ROBO2: variants seen among roughly 807,000 people sequenced by gnomAD.
ROBO2 encodes roundabout guidance receptor 2.
In ROBO2, 53 loss-of-function variants were observed where a neutral mutation model predicts 160.8. The ratio of observed to expected loss-of-function variants is 0.33; its 90% CI spans 0.26 to 0.41. The LOEUF is 0.41. Among genes scored for constraint, ROBO2 ranks in the 10% least tolerant of loss-of-function variants. The pLI is 1.00. For missense variants in ROBO2, 1,577 were observed against 1,722.4 expected (o/e 0.92, Z 1.49); for synonymous variants, 664 against 611.7 (o/e 1.09, Z -1.26).
At chr3:76,213,791 A>C (rs1703307736) in intron 2 of ROBO2, among the ~76,000 whole-genome samples, 1 of 152,198 alleles carries the variant, frequency 6.6e-6, no homozygotes, top group African/African-American at 2.4e-5. Flanking sequence ...TTAATTTGAC[A>C]TGTATTGAGA....
intron 2 of ROBO2, among the ~76,000 whole-genome samples, chr3:76,807,745 T>C (rs1203184135): frequency 6.6e-6 from 1 of 152,050 alleles, no homozygotes; most frequent in East Asian, 1.9e-4. Flanking sequence ...TAGAACAATA[T>C]AGTGAAAGGG....
intron 2 of ROBO2, chr3:76,435,032 T>C (rs3849491): frequency 0.51 from 689,803 of 1,343,278 alleles, 180,139 homozygotes; most frequent in South Asian, 0.59. Context: ...TGATTGAGGA[T>C]GCAGAGCTGA....
intron 2 of ROBO2, among the ~76,000 whole-genome samples, chr3:77,205,940 A>G (rs1009727202): frequency 1.2e-4 from 19 of 152,070 alleles, no homozygotes; most frequent in Admixed American, 5.9e-4. Context: ...ACAGAAATGC[A>G]TTATCTTACA....
intron 24 of ROBO2, among the ~76,000 whole-genome samples, chr3:77,639,802 T>C (rs1206917458): frequency 6.6e-6 from 1 of 152,110 alleles, no homozygotes; most frequent in African/African-American, 2.4e-5. Context: ...AGTGACATGA[T>C]CTTATTTGTA....
intron 2 of ROBO2, among the ~76,000 whole-genome samples, chr3:77,331,575 C>T (rs558299002): frequency 1.3e-5 from 2 of 152,102 alleles, no homozygotes; most frequent in Non-Finnish European, 2.9e-5. Context: ...GAAAAAAATA[C>T]TTGCAAATCT....
At chr3:76,501,578 A>C (rs1255139217) in intron 2 of ROBO2, among the ~76,000 whole-genome samples, 6 of 152,238 alleles carry the variant, frequency 3.9e-5, no homozygotes, top group Admixed American at 3.3e-4. Context: ...ATACTGCAAC[A>C]ATCTTTTCAT....
intron 2 of ROBO2, among the ~76,000 whole-genome samples, chr3:77,105,829 C>T (rs1254997163): frequency 6.6e-6 from 1 of 151,920 alleles, no homozygotes; most frequent in Non-Finnish European, 1.5e-5. Flanking sequence ...AAATTTATTC[C>T]CATAAACAGT....
At chr3:77,628,029 C>T (rs113779839) in intron 23 of ROBO2, among the ~76,000 whole-genome samples, 1 of 152,234 alleles carries the variant, frequency 6.6e-6, no homozygotes, top group Non-Finnish European at 1.5e-5. Context: ...TTTTACTGCT[C>T]AGTAACATCT....
intron 2 of ROBO2, among the ~76,000 whole-genome samples, chr3:76,928,154 G>C (rs914973554): frequency 2.0e-5 from 3 of 152,070 alleles, no homozygotes; most frequent in African/African-American, 7.2e-5. Flanking sequence ...AAAGGGAGAT[G>C]ACAATGGAAA....
chr3:77,248,659 G>T (rs1331129901), intron 2 of ROBO2, among the ~76,000 whole-genome samples: 2 of 152,150 alleles, frequency 1.3e-5, no homozygotes, highest in East Asian at 1.9e-4. Flanking sequence ...GAGACCAACC[G>T]AGTGAGTCCA....
intron 2 of ROBO2, among the ~76,000 whole-genome samples, chr3:77,242,951 A>G (rs1258135372): frequency 6.6e-6 from 1 of 151,322 alleles, no homozygotes; most frequent in African/African-American, 2.4e-5. Flanking sequence ...GAGAGAGTGA[A>G]TATGTGTGTG....
intron 2 of ROBO2, among the ~76,000 whole-genome samples, chr3:75,940,628 A>G (rs1948009872): frequency 6.6e-6 from 1 of 152,184 alleles, no homozygotes; most frequent in Non-Finnish European, 1.5e-5. Flanking sequence ...AAAGATATAT[A>G]TGAATTTTAA....
chr3:77,037,612 A>C (rs141566348), upstream of ROBO2, among the ~76,000 whole-genome samples: 1,880 of 152,262 alleles, frequency 0.012, 44 homozygotes, highest in African/African-American at 0.042. Flanking sequence ...GGACCATGGC[A>C]ATTGGTGGTA....
chr3:76,169,707 TG>T lies in ROBO2; in HGVS notation c.109+232106del, dbSNP rs1219877736. ...TAATTTATTGATGTACAGTGGATTT[TG>T]TTTGACTAAAGCTAGTAATCTCCTA... On this transcript the variant is annotated intron_variant, in intron 2 of 26. Transcript: ENST00000487694. 2.6e-5 allele frequency among the ~76,000 whole-genome samples: 4 copies of T among 152,262 alleles called. No individual in the cohort carries two copies. The East Asian group carries it at 7.7e-4, about 29-fold the overall frequency.
chr3:76,391,462 T>C (rs944484362), intron 2 of ROBO2, among the ~76,000 whole-genome samples: 2 of 152,148 alleles, frequency 1.3e-5, no homozygotes, highest in Non-Finnish European at 2.9e-5. Context: ...TGAAACAAAT[T>C]GTATGTTATC....
At position 77,546,335 on chromosome 3, in the gene ROBO2, T is replaced by C; in HGVS notation, c.935-3T>C. On this transcript the variant is annotated splice_polypyrimidine_tract_variant and splice_region_variant and intron_variant, in intron 6 of 25. Coordinates refer to ENST00000461745, the Ensembl canonical transcript of ROBO2. ...ACACGCTTTCTTTTCTTTTAAATTA[T>C]AGCTCCCCCACAGTTTGTGGTTCGG... 3.1e-6 allele frequency: 5 copies of C among 1,612,978 alleles called. No individual in the cohort carries two copies. Among genetic ancestry groups the C allele is most frequent in the Non-Finnish European group, 4.2e-6 (5 of 1,179,132 alleles).
At chr3:76,544,528 T>G (rs373865181) in intron 2 of ROBO2, among the ~76,000 whole-genome samples, 1 of 152,084 alleles carries the variant, frequency 6.6e-6, no homozygotes. Context: ...TATTCCATTT[T>G]TCTGCATCTA....
At chr3:75,908,455 A>ATTTT (rs2106700468) in intron 1 of ROBO2, among the ~76,000 whole-genome samples, 1 of 41,620 alleles carries the variant, frequency 2.4e-5, no homozygotes, top group African/African-American at 9.6e-5. Flanking sequence ...TTGTAGATGT[A>ATTTT]GAGACTGTGT....
At chr3:76,110,393 A>G (rs934465135) in intron 2 of ROBO2, among the ~76,000 whole-genome samples, 2 of 152,102 alleles carry the variant, frequency 1.3e-5, no homozygotes, top group African/African-American at 4.8e-5. Flanking sequence ...ATAGGAAGCC[A>G]TGCATTCTGG....
Sources: allele counts gnomAD v4.1 joint callset (sites outside exome capture counted in the v4.1 genomes callset), GRCh38; gene constraint gnomAD v4.1.1; transcripts MANE v1.5; gene names NCBI Gene and HGNC (gene_info 2026-07-23, HGNC 2026-07-21).